Variants in ERC2 observed in about 807,000 individuals in gnomAD.
ERC2 encodes ELKS/RAB6-interacting/CAST family member 2, also known as ERC protein 2.
A neutral mutation model predicts 114.8 loss-of-function variants in ERC2; 42 were observed. The ratio of observed to expected loss-of-function variants is 0.37; its 90% CI spans 0.29 to 0.47. ERC2 has a LOEUF of 0.47. Ranked by LOEUF, ERC2 falls within the 20% of genes least tolerant of loss-of-function variation. ERC2 has a pLI of 0.99. For synonymous variants in ERC2, 454 were observed against 425.5 expected (o/e 1.07, Z -0.82); for missense variants, 939 against 1,150.7 (o/e 0.82, Z 2.66).
intron 7 of ERC2, among the ~76,000 whole-genome samples, chr3:56,067,585 T>A (rs140815892): frequency 1.3e-5 from 2 of 152,296 alleles, no homozygotes; most frequent in African/African-American, 4.8e-5. Flanking sequence ...CTATGTTGAA[T>A]AGGAGTGGTG....
chr3:56,012,395 C>T (rs2073015662), intron 8 of ERC2, among the ~76,000 whole-genome samples: 1 of 152,128 alleles, frequency 6.6e-6, no homozygotes, highest in African/African-American at 2.4e-5. Context: ...ACTCGGCAGC[C>T]TTCACGTGGT....
chr3:55,877,544 C>T (rs1431952624), intron 14 of ERC2, among the ~76,000 whole-genome samples: 1 of 146,876 alleles, frequency 6.8e-6, no homozygotes, highest in East Asian at 2.0e-4. Context: ...CAGGGTCTCA[C>T]TCTGTCACTC....
At chr3:56,217,397 CA>C (rs1443346861) in intron 3 of ERC2, among the ~76,000 whole-genome samples, 1 of 152,088 alleles carries the variant, frequency 6.6e-6, no homozygotes, top group Non-Finnish European at 1.5e-5. Context: ...ACAATTGCTC[CA>C]AAGAGAATAA....
chr3:55,955,360 C>A (rs181883492), intron 12 of ERC2, among the ~76,000 whole-genome samples: 220 of 151,904 alleles, frequency 1.4e-3, no homozygotes, highest in Non-Finnish European at 2.7e-3. Context: ...TTTGTTCAAT[C>A]AAAATATAGA....
At chr3:56,022,875 T>G (rs905910316) in intron 7 of ERC2, among the ~76,000 whole-genome samples, 2 of 152,144 alleles carry the variant, frequency 1.3e-5, no homozygotes, top group African/African-American at 4.8e-5. Context: ...CTTCTGGTCA[T>G]GGCTGGGAAG....
chr3:55,863,631 T>C (rs1278060501), intron 14 of ERC2, among the ~76,000 whole-genome samples: 1 of 152,054 alleles, frequency 6.6e-6, no homozygotes, highest in African/African-American at 2.4e-5. Flanking sequence ...AAAAAGAACT[T>C]TGAAAACCTT....
Position 55,992,067 on chromosome 3 carries a change from C to T in ERC2, c.2245G>A (p.Glu749Lys). ...EKNDKDKKIA[E>K]LESLTLRHMK... is the part of the protein sequence containing the mutation. Reference sequence around the variant, plus strand: ...AACTGTAAAATTTACCTCTCCAGTTCTGCGATCTTCTTGTCCTTGTCATTC... The same window carrying T: ...AACTGTAAAATTTACCTCTCCAGTTTTGCGATCTTCTTGTCCTTGTCATTC... The change falls in exon 11 of 18, where the codon GAA becomes AAA. Residue 749 changes from glutamate to lysine, a missense_variant. By Grantham distance (56) the Glu-to-Lys change is moderately conservative. Around this residue, in one of 5 missense-constraint regions of ERC2, gnomAD observed 328 missense variants for 353.9 expected, o/e 0.93. Coordinates refer to ENST00000288221, the MANE Select transcript of ERC2 (RefSeq NM_015576.3). 1 of 1,613,186 alleles carries T rather than the reference C, an allele frequency of 6.2e-7. No homozygotes were observed. Among genetic ancestry groups the T allele is most frequent in the Middle Eastern group, 1.7e-4 (1 of 6,044 alleles).
At chr3:55,598,093 A>T (rs1319388492) in intron 17 of ERC2, among the ~76,000 whole-genome samples, 1 of 152,180 alleles carries the variant, frequency 6.6e-6, no homozygotes, top group East Asian at 1.9e-4. Context: ...ACAACCTATT[A>T]TGCGTGGAGG....
At chr3:55,839,418 C>T (rs2061034433) in intron 14 of ERC2, among the ~76,000 whole-genome samples, 1 of 151,820 alleles carries the variant, frequency 6.6e-6, no homozygotes, top group South Asian at 2.1e-4. Context: ...ATATTAACTA[C>T]ATGAGTAAAC....
At chr3:55,709,160 G>A (rs1275207227) in intron 15 of ERC2, among the ~76,000 whole-genome samples, 4 of 152,120 alleles carry the variant, frequency 2.6e-5, no homozygotes, top group African/African-American at 7.2e-5. Flanking sequence ...AAACTGGAGC[G>A]TGAACATTCT....
chr3:56,406,002 C>T (rs1180102295), intron 2 of ERC2, among the ~76,000 whole-genome samples: 6 of 147,690 alleles, frequency 4.1e-5, no homozygotes, highest in African/African-American at 7.5e-5. Context: ...AAGCGAGTCT[C>T]GTGTCTCAGC....
At chr3:55,617,175 C>A (rs2059155191) in intron 17 of ERC2, among the ~76,000 whole-genome samples, 1 of 152,264 alleles carries the variant, frequency 6.6e-6, no homozygotes, top group South Asian at 2.1e-4. Context: ...CAGTTTCAAA[C>A]TGATAGCCTT....
intron 7 of ERC2, among the ~76,000 whole-genome samples, chr3:56,064,225 G>A (rs75102752): frequency 0.011 from 1,662 of 152,180 alleles, 22 homozygotes; most frequent in African/African-American, 0.038. Flanking sequence ...GAACACTACC[G>A]GGCAAGCCCT....
chr3:55,550,817 C>A (rs79953732), intron 17 of ERC2, among the ~76,000 whole-genome samples: 4 of 152,006 alleles, frequency 2.6e-5, no homozygotes, highest in Non-Finnish European at 2.9e-5. Context: ...GAGATCGAGA[C>A]CATCCTGGCT....
In ERC2 at chr3:55,547,219, C is replaced by T. The variant is rs76160865; in HGVS notation, c.*40-35943G>A. On this transcript the variant is annotated intron_variant, in intron 17 of 17. Transcript: ENST00000288221. Reference sequence around the variant, plus strand: ...AGGGCTGTCCTCGACTTGCCCCAGCCGGGCCCACCACCACTGAATCTCCCG... The same window carrying T: ...AGGGCTGTCCTCGACTTGCCCCAGCTGGGCCCACCACCACTGAATCTCCCG... Among the ~76,000 whole-genome samples, 83 of 152,346 alleles carry T rather than the reference C, an allele frequency of 5.4e-4. No homozygotes were observed. In the East Asian group the frequency reaches 0.013, roughly 25 times the overall value.
chr3:56,045,115 A>T, intron 7 of ERC2, among the ~76,000 whole-genome samples: 1 of 152,222 alleles, frequency 6.6e-6, no homozygotes, highest in East Asian at 1.9e-4. Context: ...TCTATAAAAT[A>T]ACCTAAGAGT....
chr3:55,886,824 T>G (rs2063367455), intron 14 of ERC2, among the ~76,000 whole-genome samples: 1 of 152,248 alleles, frequency 6.6e-6, no homozygotes, highest in African/African-American at 2.4e-5. Context: ...GTTAATAAAT[T>G]ATTGATGAAG....
chr3:56,417,817 T>C (rs2061226802), intron 2 of ERC2, among the ~76,000 whole-genome samples: 1 of 152,184 alleles, frequency 6.6e-6, no homozygotes, highest in Non-Finnish European at 1.5e-5. Context: ...ACAGGCAGCA[T>C]ATCAGATGCA....
intron 13 of ERC2, among the ~76,000 whole-genome samples, chr3:55,930,691 T>C (rs1000505867): frequency 6.6e-6 from 1 of 152,214 alleles, no homozygotes; most frequent in African/African-American, 2.4e-5. Context: ...GACATAGGCA[T>C]GGGCAAAGCC....
Sources: gnomAD v4.1 joint callset for allele counts (sites outside exome capture counted in the v4.1 genomes callset) on GRCh38, gnomAD v4.1.1 for gene constraint, gnomAD v4.1.1 regional missense constraint, MANE v1.5 for transcripts, NCBI Gene and HGNC (gene_info 2026-07-23, HGNC 2026-07-21) for gene names.